The following CXADR variants were observed in gnomAD, a reference collection of about 807,000 sequenced individuals.
The protein encoded by CXADR is coxsackievirus and adenovirus receptor.
Under a neutral mutation model 40.3 loss-of-function variants are expected in CXADR, and 20 were observed. The ratio of observed to expected loss-of-function variants is 0.50; its 90% CI spans 0.35 to 0.72. The LOEUF (loss-of-function observed/expected upper bound fraction) is 0.72, where lower values mean the gene tolerates loss of function less well. CXADR is among the 30% of genes least tolerant of loss of function. The pLI is 0.01. For synonymous variants in CXADR, 150 were observed against 161.3 expected (o/e 0.93, Z 0.53); for missense variants, 332 against 449.1 (o/e 0.74, Z 2.36).
chr21:17,610,205 G>T, the CXADR span, among the ~76,000 whole-genome samples: 1 of 152,128 alleles, frequency 6.6e-6, no homozygotes, highest in African/African-American at 2.4e-5. Context: ...AATAAGTACA[G>T]GGTTACTTTT....
rs1213977547 is a variant in CXADR at position 17,568,661 on chromosome 21, G to T, written c.*2969G>T. Reference sequence around the variant, plus strand: ...CTGCCTTGGCCTCCCAAATTGCTGGGATTACAGGTGTGAGCCGCAGCATCC... The same window carrying T: ...CTGCCTTGGCCTCCCAAATTGCTGGTATTACAGGTGTGAGCCGCAGCATCC... On this transcript the variant is annotated 3_prime_UTR_variant, in exon 7 of 7. Transcript: ENST00000284878. The T allele has an allele frequency of 8.1e-6, 8 of 984,846 alleles. No homozygotes were observed. The South Asian group carries it at 1.9e-4, about 23-fold the overall frequency. The allele number at this position is 984,846 out of a possible 1,614,324, so 61.0% of individuals were successfully genotyped here.
At chr21:17,594,508 A>G (rs1244852739), downstream of CXADR, among the ~76,000 whole-genome samples, 1 of 152,098 alleles carries the variant, frequency 6.6e-6, no homozygotes, top group Non-Finnish European at 1.5e-5. Flanking sequence ...CGTATAATGT[A>G]TAACAGGTGA....
chr21:17,624,134 A>G, the CXADR span, among the ~76,000 whole-genome samples: 5 of 152,020 alleles, frequency 3.3e-5, no homozygotes, highest in Non-Finnish European at 7.4e-5. Flanking sequence ...TAAGCCCCAC[A>G]GTAGCTGACC....
the CXADR span, among the ~76,000 whole-genome samples, chr21:17,630,634 T>G: frequency 7.6e-6 from 1 of 131,220 alleles, no homozygotes; most frequent in Non-Finnish European, 1.6e-5. Flanking sequence ...TAGAGAAGAC[T>G]TCCTTCTTCC....
Position 17,576,676 on chromosome 21 carries a change from C to G in CXADR, c.1017+11065C>G, listed in dbSNP as rs556773799. 418 of 152,232 alleles carry G rather than the reference C, an allele frequency of 2.7e-3. 2 individuals are homozygous for G. Among genetic ancestry groups the G allele is most frequent in the African/African-American group, 9.5e-3 (393 of 41,544 alleles). 9.4% of individuals were successfully genotyped at this position (152,232 alleles called of 1,614,324 possible). ...GATTGGGCAGTAAGATTTATGGTTACCCTGCCTTTGGGATTTTTACAGTAA... is the reference window on the plus strand; with the variant it reads ...GATTGGGCAGTAAGATTTATGGTTAGCCTGCCTTTGGGATTTTTACAGTAA... On this transcript the variant is annotated intron_variant, in intron 7 of 7. Transcript: ENST00000400169.
intron 1 of CXADR, among the ~76,000 whole-genome samples, chr21:17,523,783 G>A (rs541723686): frequency 1.3e-5 from 2 of 152,202 alleles, no homozygotes; most frequent in East Asian, 3.9e-4. Flanking sequence ...TCTAACTTCT[G>A]TTTCTTAAGA....
chr21:17,576,998 A>G (rs974623283), intron 7 of CXADR: 3 of 152,204 alleles, frequency 2.0e-5, no homozygotes, highest in African/African-American at 7.2e-5. Context: ...AATATGTTAC[A>G]TTTCCATGCT....
intron 2 of CXADR, among the ~76,000 whole-genome samples, chr21:17,550,271 T>C (rs182500977): frequency 6.6e-6 from 1 of 151,656 alleles, no homozygotes; most frequent in Non-Finnish European, 1.5e-5. Context: ...GGAGAATCGC[T>C]TTAACCCAGG....
the CXADR span, among the ~76,000 whole-genome samples, chr21:17,620,833 G>A: frequency 6.6e-6 from 1 of 152,074 alleles, no homozygotes; most frequent in African/African-American, 2.4e-5. Flanking sequence ...AAAAGACAGA[G>A]AGGAGAGATT....
rs2061085085 is a variant in CXADR at position 17,559,668 on chromosome 21, GGTTTTTTT to G, written c.571+538_571+545del. ...TTAGTTACTTTGGTACTTTTTTTTG[GGTTTTTTT>G]TTTTTTTTTTTTTTTCCGAGACAAG... On this transcript the variant is annotated intron_variant, in intron 4 of 6. Coordinates refer to ENST00000284878, the MANE Select transcript of CXADR (RefSeq NM_001338.5). Among the ~76,000 whole-genome samples, 2 of 106,208 alleles carry G rather than the reference GGTTTTTTT, an allele frequency of 1.9e-5. 1 individual carries two copies. Among genetic ancestry groups the G allele is most frequent in the South Asian group, 5.8e-4 (2 of 3,474 alleles). The allele number at this position is 106,208 out of a possible 152,430, so 69.7% of individuals were successfully genotyped here. A position where few individuals can be genotyped will look rare whatever the true frequency, so the allele number is the denominator to read the frequency against.
chr21:17,600,897 C>T, the CXADR span, among the ~76,000 whole-genome samples: 4 of 152,148 alleles, frequency 2.6e-5, no homozygotes, highest in Admixed American at 6.5e-5. Context: ...GGCGCGGTGG[C>T]TCATGCCTGT....
In CXADR at chr21:17,566,916, T is replaced by A; in HGVS notation, c.*1224T>A. 2 of 982,548 alleles carry A rather than the reference T, an allele frequency of 2.0e-6. No individual in the cohort carries two copies. The highest frequency in any genetic ancestry group is 4.7e-5 in the South Asian group (1 of 21,134). 60.9% of individuals were successfully genotyped at this position (982,548 alleles called of 1,614,324 possible). A position where few individuals can be genotyped will look rare whatever the true frequency, so the allele number is the denominator to read the frequency against. The stretch of plus-strand genomic sequence containing the variant: ...AATCAAGCTGAGCTTTGAAAAAGTT[T>A]GTCTTAGTTTTGTGAAGGTGATTTA... On this transcript the variant is annotated 3_prime_UTR_variant, in exon 7 of 7. Coordinates refer to ENST00000284878, the MANE Select transcript of CXADR (RefSeq NM_001338.5).
the CXADR span, among the ~76,000 whole-genome samples, chr21:17,615,575 T>G: frequency 6.6e-6 from 1 of 152,142 alleles, no homozygotes; most frequent in Non-Finnish European, 1.5e-5. Context: ...GTATGCTCGC[T>G]CTCTCTCAAA....
chr21:17,521,889 T>A lies in CXADR; in HGVS notation c.43+8717T>A, dbSNP rs145095595. On this transcript the variant is annotated intron_variant, in intron 1 of 6. Transcript: ENST00000284878. The stretch of plus-strand genomic sequence containing the variant: ...GCCAATTCCTGAACTTCAGACCTTT[T>A]GGCTTCTCAGGGATGTCACTCTGTT... 1.1e-3 allele frequency among the ~76,000 whole-genome samples: 166 copies of A among 152,326 alleles called. 1 individual carries two copies. Among genetic ancestry groups the A allele is most frequent in the Non-Finnish European group, 1.9e-3 (130 of 68,018 alleles).
the CXADR span, chr21:17,613,904 G>C: frequency 6.6e-6 from 1 of 152,142 alleles, no homozygotes; most frequent in African/African-American, 2.4e-5. Context: ...CTTAAGAACT[G>C]AATGTTCAAG....
Position 17,569,148 on chromosome 21 carries a change from G to T in CXADR, c.*3456G>T. 1 of 985,364 alleles carries T rather than the reference G, an allele frequency of 1.0e-6. No individual in the cohort carries two copies. Among genetic ancestry groups the T allele is most frequent in the Non-Finnish European group, 1.2e-6 (1 of 829,924 alleles). The allele number at this position is 985,364 out of a possible 1,614,324, so 61.0% of individuals were successfully genotyped here. A position where few individuals can be genotyped will look rare whatever the true frequency, so the allele number is the denominator to read the frequency against. ...CTTAAAAATATTCTCAGTGTCTTTTGTGTGCGTGCAGCATGTACATTTGAT... is the reference window on the plus strand; with the variant it reads ...CTTAAAAATATTCTCAGTGTCTTTTTTGTGCGTGCAGCATGTACATTTGAT... On this transcript the variant is annotated 3_prime_UTR_variant, in exon 7 of 7. Coordinates refer to ENST00000284878, the MANE Select transcript of CXADR (RefSeq NM_001338.5).
At chr21:17,624,801 T>G in the CXADR span, among the ~76,000 whole-genome samples, 2 of 152,138 alleles carry the variant, frequency 1.3e-5, no homozygotes, top group Non-Finnish European at 2.9e-5. Flanking sequence ...TCTGGGCCCA[T>G]ATGCTTGCTG....
exon 8 of CXADR, chr21:17,593,173 G>T (rs2061457401): frequency 6.9e-7 from 1 of 1,457,276 alleles, no homozygotes; most frequent in South Asian, 1.5e-5. Flanking sequence ...TTACAAGACT[G>T]ATGGAATTAC....
chr21:17,566,343 T>C lies in CXADR; in HGVS notation c.*651T>C. The C allele has an allele frequency of 1.5e-5, 15 of 983,930 alleles. No individual in the cohort carries two copies. The highest frequency in any genetic ancestry group is 1.6e-5 in the Non-Finnish European group (13 of 828,554). 60.9% of individuals were successfully genotyped at this position (983,930 alleles called of 1,614,324 possible). ...TTAGTTGATAGACTGCTACAGGTAA[T>C]AGGGACTTAGCAAGCTCTTTTATAT... On this transcript the variant is annotated 3_prime_UTR_variant, in exon 7 of 7. Coordinates refer to ENST00000284878, the MANE Select transcript of CXADR (RefSeq NM_001338.5).
Sources: gnomAD v4.1 joint callset for allele counts (sites outside exome capture counted in the v4.1 genomes callset) on GRCh38, gnomAD v4.1.1 for gene constraint, MANE v1.5 for transcripts, NCBI Gene and HGNC (gene_info 2026-07-23, HGNC 2026-07-21) for gene names.